Variants in SLC9C1 observed in about 807,000 individuals in gnomAD.
SLC9C1 encodes sodium/hydrogen exchanger 10.
A neutral mutation model predicts 140.9 loss-of-function variants in SLC9C1; 97 were observed. The observed-to-expected ratio is 0.69, with a 90% CI of 0.58 to 0.82. SLC9C1 has a LOEUF of 0.82. Among genes scored for constraint, SLC9C1 ranks in the 40% least tolerant of loss-of-function variants. The pLI is 0.00. For synonymous variants in SLC9C1, 440 were observed against 442.6 expected, an observed-to-expected ratio of 0.99 and a Z score of 0.07; for missense variants, 1,340 against 1,389.3, an observed-to-expected ratio of 0.96 and a Z score of 0.56.
At chr3:112,264,119 G>A (rs1013770243) in intron 9 of SLC9C1, 81 bp downstream of exon 9, 5 of 671,376 alleles carry the variant, frequency 7.4e-6, no homozygotes, top group Non-Finnish European at 1.0e-5. Context: ...TCTAAGGTAC[G>A]AAATCTTTGT....
At chr3:112,190,392 A>G (rs1216285373) in intron 20 of SLC9C1, among the ~76,000 whole-genome samples, 2 of 152,130 alleles carry the variant, frequency 1.3e-5, no homozygotes, top group Non-Finnish European at 2.9e-5. Flanking sequence ...AGCTCTTATT[A>G]TTTTGAGATA....
intron 13 of SLC9C1, among the ~76,000 whole-genome samples, chr3:112,224,323 C>T (rs1189707260): frequency 6.6e-6 from 1 of 152,128 alleles, no homozygotes; most frequent in African/African-American, 2.4e-5. Context: ...GTGAGTCTTT[C>T]CCCATGAAAG....
At chr3:112,152,270 A>G (rs1194774039) in intron 27 of SLC9C1, among the ~76,000 whole-genome samples, 1 of 152,136 alleles carries the variant, frequency 6.6e-6, no homozygotes, top group African/African-American at 2.4e-5. Context: ...GCAGGAAAAC[A>G]TGTGAGCAAA....
At chr3:112,239,006 C>T (rs6805197) in intron 12 of SLC9C1, among the ~76,000 whole-genome samples, 44,882 of 152,076 alleles carry the variant, frequency 0.3, 6,817 homozygotes, top group East Asian at 0.36. Context: ...ACATTTAAGC[C>T]TGCAGAGGTT....
intron 12 of SLC9C1, among the ~76,000 whole-genome samples, chr3:112,235,381 C>T (rs1213495239): frequency 3.3e-5 from 5 of 149,994 alleles, no homozygotes; most frequent in African/African-American, 4.9e-5. Flanking sequence ...TGGGCTGAGA[C>T]GATGGGGTTT....
intron 23 of SLC9C1, among the ~76,000 whole-genome samples, chr3:112,178,758 T>C (rs374003844): frequency 9.2e-5 from 14 of 152,316 alleles, no homozygotes; most frequent in East Asian, 3.9e-4. Flanking sequence ...TAACATTCAC[T>C]TAGTAGTTTT....
At chr3:112,262,231 G>T (rs1468730602) in intron 10 of SLC9C1, among the ~76,000 whole-genome samples, 3 of 151,966 alleles carry the variant, frequency 2.0e-5, no homozygotes, top group Admixed American at 2.0e-4. Context: ...ATAGATAGAA[G>T]GGAGAGGTCA....
At chr3:112,189,406 A>G (rs2077604463) in intron 20 of SLC9C1, among the ~76,000 whole-genome samples, 2 of 152,198 alleles carry the variant, frequency 1.3e-5, no homozygotes, top group African/African-American at 2.4e-5. Context: ...TAATTTTTGT[A>G]TAAGATGTAA....
At chr3:112,143,373 T>G (rs1035034992) in intron 28 of SLC9C1, among the ~76,000 whole-genome samples, 2 of 152,324 alleles carry the variant, frequency 1.3e-5, no homozygotes, top group African/African-American at 4.8e-5. Context: ...GTATACATGT[T>G]TCCTTTTCTC....
At chr3:112,153,916 T>C (rs1003169629) in intron 27 of SLC9C1, among the ~76,000 whole-genome samples, 1 of 152,160 alleles carries the variant, frequency 6.6e-6, no homozygotes, top group Non-Finnish European at 1.5e-5. Context: ...AAAATCCTTT[T>C]GGGAGACAGT....
chr3:112,252,078 G>A (rs2079475722), intron 10 of SLC9C1, among the ~76,000 whole-genome samples: 1 of 152,064 alleles, frequency 6.6e-6, no homozygotes. Context: ...ACCCTAGCCA[G>A]TGTTTTCTGG....
intron 10 of SLC9C1, among the ~76,000 whole-genome samples, chr3:112,258,955 C>T (rs57890482): frequency 0.3 from 44,956 of 151,850 alleles, 7,212 homozygotes; most frequent in East Asian, 0.43. Flanking sequence ...TTTTAAACAA[C>T]CAGATCTCAT....
At position 112,150,840 on chromosome 3, in the gene SLC9C1, A is replaced by ATTT. The variant is rs1180027200; in HGVS notation, c.3524+1014_3524+1016dup. 6.5e-3 allele frequency among the ~76,000 whole-genome samples: 373 copies of ATTT among 57,290 alleles called. 8 individuals are homozygous for ATTT. Among genetic ancestry groups the ATTT allele is most frequent in the African/African-American group, 0.024 (338 of 13,980 alleles). 37.6% of individuals were successfully genotyped at this position (57,290 alleles called of 152,430 possible). A position where few individuals can be genotyped will look rare whatever the true frequency, so the allele number is the denominator to read the frequency against. ...CATATACATATATATATATATATAT[A>ATTT]TTTTTTTTTTTTTTTGAGATGAAGT... On this transcript the variant is annotated intron_variant, in intron 28 of 28. Transcript: ENST00000305815.
rs375308737 is a variant in SLC9C1 at position 112,231,333 on chromosome 3, A to C, written c.1572+28T>G. On this transcript the variant is annotated intron_variant, in intron 13 of 28. Transcript: ENST00000305815. Reference sequence around the variant, plus strand: ...TTTTCAACATAATTTTTGGCCAAACATAATTTCAAAAGAGAATAATACAGT... The same window carrying C: ...TTTTCAACATAATTTTTGGCCAAACCTAATTTCAAAAGAGAATAATACAGT... 180 of 1,608,866 alleles carry C rather than the reference A, an allele frequency of 1.1e-4. No homozygotes were observed. In the African/African-American group the frequency reaches 1.7e-3, roughly 15 times the overall value.
Position 112,262,919 on chromosome 3 carries a change from T to C in SLC9C1, c.1197+5A>G, listed in dbSNP as rs2079815615. On this transcript the variant is annotated splice_donor_5th_base_variant and intron_variant, in intron 10 of 28. Coordinates refer to ENST00000305815, the MANE Select transcript of SLC9C1 (RefSeq NM_183061.3). ...ATTCAGATAAGAAAATACAGCTTTC[T>C]TTACTTGAGATTTTTCTTTGTCAGA... 6.4e-7 allele frequency: 1 copy of C among 1,562,420 alleles called. No homozygotes were observed. Among genetic ancestry groups the C allele is most frequent in the Admixed American group, 2.1e-5 (1 of 47,716 alleles).
At chr3:112,259,908 CTTCTA>C (rs1335228903) in intron 10 of SLC9C1, among the ~76,000 whole-genome samples, 1 of 152,038 alleles carries the variant, frequency 6.6e-6, no homozygotes, top group Non-Finnish European at 1.5e-5. Context: ...AGAAAATTCC[CTTCTA>C]TTCTTATGTT....
intron 23 of SLC9C1, among the ~76,000 whole-genome samples, chr3:112,171,375 C>T (rs2077244579): frequency 6.6e-6 from 1 of 152,070 alleles, no homozygotes; most frequent in South Asian, 2.1e-4. Context: ...TGATGGTGAA[C>T]ATCTTCATGT....
intron 20 of SLC9C1, among the ~76,000 whole-genome samples, chr3:112,189,935 A>T (rs960670853): frequency 1.3e-5 from 2 of 152,078 alleles, no homozygotes; most frequent in African/African-American, 2.4e-5. Flanking sequence ...GTTCTCCTTG[A>T]AGAGGTCCTT....
chr3:112,286,429 C>A (rs940336826), intron 2 of SLC9C1, among the ~76,000 whole-genome samples: 2 of 152,174 alleles, frequency 1.3e-5, no homozygotes, highest in South Asian at 2.1e-4. Flanking sequence ...CTTCAATTAT[C>A]TCCTTCATTG....
Sources: allele counts gnomAD v4.1 joint callset (sites outside exome capture counted in the v4.1 genomes callset), GRCh38; gene constraint gnomAD v4.1.1; transcripts MANE v1.5; gene names NCBI Gene and HGNC (gene_info 2026-07-23, HGNC 2026-07-21).